SPMIP6: variants seen among roughly 807,000 people sequenced by gnomAD.
SPMIP6 encodes the protein ciliated bronchial epithelial protein 1.
At chr9:34,385,855 C>T in the SPMIP6 span, 3 of 1,501,504 alleles carry the variant, frequency 2.0e-6, no homozygotes, top group Admixed American at 6.0e-5. Context: ...GGAACTAGAT[C>T]CAGCCTCTCT....
At chr9:34,387,203 G>A in the SPMIP6 span, among the ~76,000 whole-genome samples, 1 of 151,946 alleles carries the variant, frequency 6.6e-6, no homozygotes, top group African/African-American at 2.4e-5. Context: ...GTTTCACCAT[G>A]TTGCCCAGGC....
the SPMIP6 span, chr9:34,379,091 G>C: frequency 6.2e-7 from 1 of 1,607,714 alleles, no homozygotes; most frequent in Non-Finnish European, 8.5e-7. The surrounding 1 kb of genome is among the most constrained non-coding windows in gnomAD (Gnocchi z 4.2). Flanking sequence ...AGCAACGATA[G>C]TCGGGATAGG....
the SPMIP6 span, chr9:34,381,017 C>T: frequency 6.2e-7 from 1 of 1,611,640 alleles, no homozygotes; most frequent in Non-Finnish European, 8.5e-7. The surrounding 1 kb of genome is among the most constrained non-coding windows in gnomAD (Gnocchi z 4.4). Flanking sequence ...ACTTTCGTAA[C>T]CATGGAAGGG....
the SPMIP6 span, chr9:34,385,858 G>A: frequency 3.3e-6 from 5 of 1,492,774 alleles, no homozygotes; most frequent in African/African-American, 1.4e-5. Context: ...ACTAGATCCA[G>A]CCTCTCTTGA....
the SPMIP6 span, chr9:34,397,739 T>C: frequency 7.4e-5 from 85 of 1,156,136 alleles, no homozygotes; most frequent in Non-Finnish European, 9.6e-5. Context: ...GCCTGGCAGG[T>C]GCCCTTAGCT....
At chr9:34,383,364 A>G in the SPMIP6 span, among the ~76,000 whole-genome samples, 2 of 152,156 alleles carry the variant, frequency 1.3e-5, no homozygotes, top group Non-Finnish European at 2.9e-5. Context: ...TCTCTACTAA[A>G]ATACAAAAAT....
At chr9:34,379,749 C>T in the SPMIP6 span, 11 of 1,605,160 alleles carry the variant, frequency 6.9e-6, no homozygotes, top group African/African-American at 1.5e-4. The surrounding 1 kb of genome is among the most constrained non-coding windows in gnomAD (Gnocchi z 4.2). Context: ...AAGGAGGAAG[C>T]CGCGAGCATG....
At chr9:34,381,496 C>G in the SPMIP6 span, 4 of 1,612,514 alleles carry the variant, frequency 2.5e-6, no homozygotes, top group Non-Finnish European at 3.4e-6. The surrounding 1 kb of genome is among the most constrained non-coding windows in gnomAD (Gnocchi z 4.4). Flanking sequence ...GAGCTGCTCC[C>G]TTTTAGGGGT....
At chr9:34,397,140 T>C in the SPMIP6 span, among the ~76,000 whole-genome samples, 1 of 152,352 alleles carries the variant, frequency 6.6e-6, no homozygotes, top group Admixed American at 6.5e-5. Flanking sequence ...GCTAGTTCTA[T>C]CTCATCTTTC....
chr9:34,383,398 C>T, the SPMIP6 span, among the ~76,000 whole-genome samples: 1 of 152,194 alleles, frequency 6.6e-6, no homozygotes, highest in African/African-American at 2.4e-5. Context: ...TTGGTGTGCG[C>T]CTGTAAACCC....
the SPMIP6 span, among the ~76,000 whole-genome samples, chr9:34,389,153 TC>T: frequency 6.6e-6 from 1 of 152,072 alleles, no homozygotes; most frequent in Admixed American, 6.6e-5. Flanking sequence ...CCCAGGGTGG[TC>T]TTGAACTCCT....
chr9:34,380,955 C>G, the SPMIP6 span: 3 of 1,604,816 alleles, frequency 1.9e-6, no homozygotes, highest in Admixed American at 1.7e-5. Context: ...CAGGGCGCCC[C>G]GCTGGCGTAG....
chr9:34,380,977 G>C, the SPMIP6 span: 1 of 1,608,568 alleles, frequency 6.2e-7, no homozygotes, highest in Non-Finnish European at 8.5e-7. Flanking sequence ...AGTCCATCCC[G>C]CGCAGACAGT....
the SPMIP6 span, among the ~76,000 whole-genome samples, chr9:34,391,798 C>A: frequency 6.6e-6 from 1 of 152,038 alleles, no homozygotes; most frequent in Non-Finnish European, 1.5e-5. Context: ...CCACTTTTAT[C>A]ATGTTCCTTG....
chr9:34,388,932 C>CTTTT, the SPMIP6 span, among the ~76,000 whole-genome samples: 65 of 109,804 alleles, frequency 5.9e-4, no homozygotes, highest in East Asian at 8.2e-4. Context: ...CTCTCTCTTT[C>CTTTT]TTTTTTTTTT....
chr9:34,393,389 T>G, the SPMIP6 span, among the ~76,000 whole-genome samples: 1 of 152,244 alleles, frequency 6.6e-6, no homozygotes, highest in African/African-American at 2.4e-5. Flanking sequence ...CCAGAGTATA[T>G]CCTTTAGAAG....
At chr9:34,380,879 G>C in the SPMIP6 span, 1 of 1,506,300 alleles carries the variant, frequency 6.6e-7, no homozygotes, top group Non-Finnish European at 8.9e-7. Context: ...CGGCTGAGGC[G>C]GGCGGAGCCC....
the SPMIP6 span, among the ~76,000 whole-genome samples, chr9:34,393,494 TC>T: frequency 6.6e-6 from 1 of 152,186 alleles, no homozygotes. Flanking sequence ...GGATGACACT[TC>T]GAGAATTTTT....
At chr9:34,380,879 G>T in the SPMIP6 span, 2 of 1,506,300 alleles carry the variant, frequency 1.3e-6, no homozygotes, top group Non-Finnish European at 1.8e-6. Flanking sequence ...CGGCTGAGGC[G>T]GGCGGAGCCC....
Sources: allele counts gnomAD v4.1 joint callset (sites outside exome capture counted in the v4.1 genomes callset), GRCh38; gene constraint gnomAD v4.1.1; non-coding constraint Gnocchi (gnomAD v3.1); transcripts MANE v1.5; gene names NCBI Gene and HGNC (gene_info 2026-07-23, HGNC 2026-07-21).